LYRM4: variants seen among roughly 807,000 people sequenced by gnomAD.
LYRM4 encodes LYR motif containing 4, also known as LYR motif-containing protein 4.
LYRM4 carries 9 observed loss-of-function variants against 11.7 expected under a neutral mutation model. That is an observed-to-expected ratio of 0.77 (90% confidence interval 0.46 to 1.34). LYRM4 has a LOEUF of 1.34. LYRM4 is among the 40% of genes most tolerant of loss of function. The pLI is 0.00. For missense variants in LYRM4, 133 were observed against 112.5 expected, an observed-to-expected ratio of 1.18 and a Z score of -0.82; for synonymous variants, 42 against 40.4, an observed-to-expected ratio of 1.04 and a Z score of -0.15.
chr6:5,134,346 A>G (rs1764091238), intron 2 of LYRM4, among the ~76,000 whole-genome samples: 1 of 152,260 alleles, frequency 6.6e-6, no homozygotes, highest in Non-Finnish European at 1.5e-5. Context: ...CAAATAAATT[A>G]TAAGGAAAAA....
At chr6:5,250,653 G>C (rs1381099257) in intron 1 of LYRM4, among the ~76,000 whole-genome samples, 2 of 152,172 alleles carry the variant, frequency 1.3e-5, no homozygotes, top group East Asian at 1.9e-4. Context: ...AAGAGGTCAG[G>C]TAACAATAGT....
the LYRM4 span, among the ~76,000 whole-genome samples, chr6:5,063,266 A>T: frequency 7.9e-5 from 12 of 151,942 alleles, no homozygotes; most frequent in South Asian, 8.4e-4. Flanking sequence ...GGTCCTCATG[A>T]AGCATTCTGT....
intron 1 of LYRM4, among the ~76,000 whole-genome samples, chr6:5,239,547 A>G (rs768882726): frequency 1.6e-4 from 24 of 152,006 alleles, no homozygotes; most frequent in Middle Eastern, 3.2e-3. Context: ...TGTCAAGCGG[A>G]GCCAAGAGAG....
intron 2 of LYRM4, among the ~76,000 whole-genome samples, chr6:5,202,891 A>T (rs1369608047): frequency 6.6e-6 from 1 of 152,220 alleles, no homozygotes; most frequent in African/African-American, 2.4e-5. Context: ...ATTATAGCAT[A>T]TAATTCATTT....
chr6:5,164,243 A>T (rs1055311723), intron 2 of LYRM4, among the ~76,000 whole-genome samples: 11 of 152,180 alleles, frequency 7.2e-5, no homozygotes, highest in African/African-American at 2.7e-4. Context: ...CTAGAATGAC[A>T]GCTCACTAAA....
rs1763743617 is a variant in LYRM4 at position 5,127,380 on chromosome 6, C to CA, written c.208-17890_208-17889insT. On this transcript the variant is annotated intron_variant, in intron 2 of 2. Coordinates refer to ENST00000330636, the MANE Select transcript of LYRM4 (RefSeq NM_020408.6). Reference sequence around the variant, plus strand: ...GATTACAGGCATAAGCCACCGTGCCCGGCTGAATAATATACCTTAAATGGG... The same window carrying CA: ...GATTACAGGCATAAGCCACCGTGCCCAGGCTGAATAATATACCTTAAATGGG... 5.3e-5 allele frequency among the ~76,000 whole-genome samples: 8 copies of CA among 152,184 alleles called. No homozygotes were observed. In the East Asian group the frequency reaches 1.5e-3, roughly 29 times the overall value.
the LYRM4 span, among the ~76,000 whole-genome samples, chr6:5,040,352 G>GATAGATAGATAGATAGATAGATAC: frequency 5.7e-4 from 74 of 130,184 alleles, no homozygotes; most frequent in East Asian, 1.5e-3. Flanking sequence ...TAGATAGATA[G>GATAGATAGATAGATAGATAGATAC]ATACATACAT....
chr6:5,256,252 G>T (rs1561906729), intron 1 of LYRM4, among the ~76,000 whole-genome samples: 1 of 152,044 alleles, frequency 6.6e-6, no homozygotes, highest in Non-Finnish European at 1.5e-5. Flanking sequence ...CACTTTGGGA[G>T]GCCGAGGTGG....
intron 2 of LYRM4, among the ~76,000 whole-genome samples, chr6:5,198,336 A>G (rs1344530823): frequency 1.3e-5 from 2 of 152,216 alleles, no homozygotes; most frequent in Non-Finnish European, 2.9e-5. Context: ...AAAGAAGACT[A>G]AAGATGAAGT....
intron 2 of LYRM4, among the ~76,000 whole-genome samples, chr6:5,125,374 T>C (rs1029623149): frequency 2.6e-5 from 4 of 152,180 alleles, no homozygotes; most frequent in African/African-American, 9.6e-5. Context: ...ACCTTTGGTC[T>C]AGGCAGCCGG....
intron 1 of LYRM4, among the ~76,000 whole-genome samples, chr6:5,257,857 G>A (rs918440715): frequency 2.0e-5 from 3 of 152,192 alleles, no homozygotes; most frequent in African/African-American, 7.2e-5. Flanking sequence ...ATATAGCACT[G>A]GGCAAAGCAT....
the LYRM4 span, among the ~76,000 whole-genome samples, chr6:5,083,706 G>A: frequency 4.6e-5 from 7 of 152,136 alleles, no homozygotes; most frequent in Non-Finnish European, 1.0e-4. Flanking sequence ...CTCTTAACAC[G>A]CTCCTCACCC....
At chr6:5,156,119 C>T (rs1758398970) in intron 2 of LYRM4, among the ~76,000 whole-genome samples, 1 of 152,188 alleles carries the variant, frequency 6.6e-6, no homozygotes, top group Non-Finnish European at 1.5e-5. Context: ...AATGAATAAC[C>T]CTTATCAAAT....
the LYRM4 span, among the ~76,000 whole-genome samples, chr6:5,096,593 C>A: frequency 6.6e-6 from 1 of 152,198 alleles, no homozygotes; most frequent in Non-Finnish European, 1.5e-5. Context: ...GGATGAGACA[C>A]TGGCTCTAGG....
intron 2 of LYRM4, among the ~76,000 whole-genome samples, chr6:5,152,252 G>A (rs568927810): frequency 2.8e-4 from 42 of 152,244 alleles, no homozygotes; most frequent in Non-Finnish European, 4.6e-4. Flanking sequence ...TCAGCTCTGT[G>A]TTTCTCCTGC....
chr6:5,040,317 A>ATAGATAGT, the LYRM4 span, among the ~76,000 whole-genome samples: 7 of 21,410 alleles, frequency 3.3e-4, no homozygotes, highest in South Asian at 0.017. Context: ...ATCTCTAACA[A>ATAGATAGT]TAGATAGATA....
Position 5,260,927 on chromosome 6 carries a change from C to CG in LYRM4, c.-195dup. 3.0e-6 allele frequency: 4 copies of CG among 1,355,802 alleles called. No homozygotes were observed. Among genetic ancestry groups the CG allele is most frequent in the Non-Finnish European group, 3.8e-6 (4 of 1,058,820 alleles). 84.0% of individuals were successfully genotyped at this position (1,355,802 alleles called of 1,614,324 possible). A position where few individuals can be genotyped will look rare whatever the true frequency, so the allele number is the denominator to read the frequency against. Reference sequence around the variant, plus strand: ...CGGCGCCAGGCGTCCCGCGCCGCTTCGGGGGCGGGCGCAGGCAGGGCTCGG... The same window carrying CG: ...CGGCGCCAGGCGTCCCGCGCCGCTTCGGGGGGCGGGCGCAGGCAGGGCTCGG... On this transcript the variant is annotated 5_prime_UTR_variant, in exon 1 of 3. Transcript: ENST00000330636.
chr6:5,221,067 T>C (rs182210317), intron 1 of LYRM4, among the ~76,000 whole-genome samples: 1 of 152,252 alleles, frequency 6.6e-6, no homozygotes, highest in African/African-American at 2.4e-5. Flanking sequence ...CTTCCAGTGA[T>C]CCTCTTGCCT....
At chr6:5,157,634 G>A (rs780334760) in intron 2 of LYRM4, among the ~76,000 whole-genome samples, 21 of 152,234 alleles carry the variant, frequency 1.4e-4, no homozygotes, top group Admixed American at 3.3e-4. Context: ...GCATTTGGGA[G>A]TGAGATTTGA....
Sources: gnomAD v4.1 joint callset for allele counts (sites outside exome capture counted in the v4.1 genomes callset) on GRCh38, gnomAD v4.1.1 for gene constraint, MANE v1.5 for transcripts, NCBI Gene and HGNC (gene_info 2026-07-23, HGNC 2026-07-21) for gene names.